HS6ST2: variants seen among roughly 807,000 people sequenced by gnomAD.
HS6ST2 encodes heparan-sulfate 6-O-sulfotransferase 2.
A neutral mutation model predicts 33.0 loss-of-function variants in HS6ST2; 17 were observed. The observed-to-expected ratio is 0.52, with a 90% CI of 0.35 to 0.77. HS6ST2 has a LOEUF of 0.77. Ranked by LOEUF, HS6ST2 falls within the 30% of genes least tolerant of loss-of-function variation. HS6ST2 has a pLI of 0.01. For synonymous variants in HS6ST2, 248 were observed against 237.1 expected, an observed-to-expected ratio of 1.05 and a Z score of -0.42; for missense variants, 519 against 551.7, an observed-to-expected ratio of 0.94 and a Z score of 0.59.
At chrX:132,652,902 AT>A in intron 4 of HS6ST2, among the ~76,000 whole-genome samples, 1 of 111,563 alleles carries the variant, frequency 9.0e-6, no homozygotes, top group Non-Finnish European at 1.9e-5. Context: ...GGTGTTAATG[AT>A]TTAAACTCAG....
intron 2 of HS6ST2, among the ~76,000 whole-genome samples, chrX:132,756,481 G>A (rs1214855082): frequency 9.0e-6 from 1 of 110,664 alleles, no homozygotes; most frequent in African/African-American, 3.3e-5. Flanking sequence ...CTGAAGGCTC[G>A]CTCTCCCTCT....
At chrX:132,765,625 G>GT (rs1220450091) in intron 2 of HS6ST2, among the ~76,000 whole-genome samples, 1 of 110,397 alleles carries the variant, frequency 9.1e-6, no homozygotes, top group East Asian at 2.9e-4. Flanking sequence ...CCCAGCTAAT[G>GT]TTTTTTGTAA....
chrX:132,906,349 T>C lies in HS6ST2; in HGVS notation c.947+50459A>G, dbSNP rs143515828. 1.7e-3 allele frequency among the ~76,000 whole-genome samples: 196 copies of C among 112,773 alleles called. 2 individuals carry two copies. Among genetic ancestry groups the C allele is most frequent in the African/African-American group, 6.0e-3 (186 of 31,093 alleles). On this transcript the variant is annotated intron_variant, in intron 2 of 4. Transcript: ENST00000370833. ...AAATGCAATTGATTTTTGTACTGAA[T>C]TTATATCCAACTTCTTAAACATTGT...
At chrX:132,892,541 G>A (rs781613587) in intron 2 of HS6ST2, among the ~76,000 whole-genome samples, 6 of 112,533 alleles carry the variant, frequency 5.3e-5, no homozygotes, top group Admixed American at 9.5e-5. Context: ...AACACAGGCT[G>A]GGCATGGTGG....
intron 2 of HS6ST2, among the ~76,000 whole-genome samples, chrX:132,755,528 A>G (rs1443616639): frequency 9.0e-6 from 1 of 110,984 alleles, no homozygotes; most frequent in East Asian, 2.8e-4. Context: ...AGTCAAGAAA[A>G]TATGGCCCAC....
intron 2 of HS6ST2, among the ~76,000 whole-genome samples, chrX:132,763,982 A>C (rs1026438628): frequency 2.7e-5 from 3 of 112,595 alleles, no homozygotes; most frequent in Admixed American, 9.4e-5. Flanking sequence ...TGGAATACCA[A>C]AATAGATTTA....
intron 2 of HS6ST2, among the ~76,000 whole-genome samples, chrX:132,901,269 T>C (rs772555279): frequency 8.9e-6 from 1 of 111,995 alleles, no homozygotes; most frequent in South Asian, 3.8e-4. Context: ...AACTATTAGA[T>C]AATAAATGTT....
intron 2 of HS6ST2, among the ~76,000 whole-genome samples, chrX:132,755,592 T>C (rs1358917193): frequency 9.0e-6 from 1 of 111,295 alleles, no homozygotes; most frequent in Non-Finnish European, 1.9e-5. Context: ...AGGATGGTGT[T>C]AGGGTGGGTC....
At chrX:132,647,243 T>C (rs2063652938) in intron 4 of HS6ST2, among the ~76,000 whole-genome samples, 1 of 111,167 alleles carries the variant, frequency 9.0e-6, no homozygotes, top group Non-Finnish European at 1.9e-5. Flanking sequence ...CTCCTCCTCC[T>C]GGTTGTTTTG....
intron 2 of HS6ST2, among the ~76,000 whole-genome samples, chrX:132,869,296 C>G (rs993844386): frequency 3.4e-4 from 37 of 107,736 alleles, no homozygotes; most frequent in African/African-American, 1.1e-3. Flanking sequence ...AGCCTACCAA[C>G]GAAGGACCAG....
intron 4 of HS6ST2, among the ~76,000 whole-genome samples, chrX:132,667,194 A>G (rs1314470828): frequency 8.9e-6 from 1 of 112,023 alleles, no homozygotes; most frequent in African/African-American, 3.2e-5. Context: ...CTGATGGGAG[A>G]GGACTAAGAG....
At chrX:132,952,575 G>C (rs2067025431) in intron 2 of HS6ST2, among the ~76,000 whole-genome samples, 1 of 111,079 alleles carries the variant, frequency 9.0e-6, no homozygotes, top group Non-Finnish European at 1.9e-5. Context: ...TTTCAAAATA[G>C]AGCCACCTTT....
intron 2 of HS6ST2, among the ~76,000 whole-genome samples, chrX:132,924,537 T>C (rs1475899357): frequency 8.9e-6 from 1 of 111,790 alleles, no homozygotes; most frequent in Non-Finnish European, 1.9e-5. Context: ...TCTGAAGTGA[T>C]AGATGTTTTG....
chrX:132,754,027 T>C (rs2064734525), intron 2 of HS6ST2, among the ~76,000 whole-genome samples: 1 of 111,918 alleles, frequency 8.9e-6, no homozygotes, highest in Non-Finnish European at 1.9e-5. Flanking sequence ...ATGCTTTATT[T>C]AGATTTCCTT....
intron 2 of HS6ST2, among the ~76,000 whole-genome samples, chrX:132,780,183 A>G (rs1272663192): frequency 9.0e-6 from 1 of 110,663 alleles, no homozygotes; most frequent in East Asian, 2.8e-4. Context: ...CCCTTTACAC[A>G]TCAAGAGTTC....
chrX:132,727,499 C>T (rs1569484442), intron 2 of HS6ST2, among the ~76,000 whole-genome samples: 1 of 110,820 alleles, frequency 9.0e-6, no homozygotes, highest in African/African-American at 3.3e-5. Flanking sequence ...ATTGGAAGCC[C>T]ATTTCCCACT....
Position 132,807,171 on chromosome X carries a change from C to A in HS6ST2, c.948-98677G>T, listed in dbSNP as rs139127930. ...CCTGACTGACTCCAAGGCCTGAGCT[C>A]CTTACCACTCTCTATAGAAAGGGAG... On this transcript the variant is annotated intron_variant, in intron 2 of 4. Coordinates refer to ENST00000370833, the MANE Select transcript of HS6ST2 (RefSeq NM_001394073.1). 7.5e-4 allele frequency among the ~76,000 whole-genome samples: 83 copies of A among 110,210 alleles called. 1 individual carries two copies. The highest frequency in any genetic ancestry group is 4.7e-3 in the Middle Eastern group (1 of 213).
At chrX:132,888,104 T>A (rs2066270345) in intron 2 of HS6ST2, among the ~76,000 whole-genome samples, 1 of 112,109 alleles carries the variant, frequency 8.9e-6, no homozygotes, top group African/African-American at 3.2e-5. Flanking sequence ...CACAACTGTA[T>A]AAATATTCTA....
At chrX:132,772,842 T>C (rs757085494) in intron 2 of HS6ST2, among the ~76,000 whole-genome samples, 1 of 89,989 alleles carries the variant, frequency 1.1e-5, no homozygotes, top group South Asian at 4.7e-4. Context: ...TAATATAAAA[T>C]ATAACATATA....
Sources: allele counts gnomAD v4.1 joint callset (sites outside exome capture counted in the v4.1 genomes callset), GRCh38; gene constraint gnomAD v4.1.1; transcripts MANE v1.5; gene names NCBI Gene and HGNC (gene_info 2026-07-23, HGNC 2026-07-21).